ATP8A2: variants seen among roughly 807,000 people sequenced by gnomAD.
ATP8A2 encodes ATPase phospholipid transporting 8A2.
A neutral mutation model predicts 165.6 loss-of-function variants in ATP8A2; 100 were observed. The observed-to-expected ratio is 0.60, with a 90% CI of 0.51 to 0.71. The LOEUF (loss-of-function observed/expected upper bound fraction) is 0.71. ATP8A2 is among the 30% of genes least tolerant of loss of function. ATP8A2 has a pLI of 0.00. For missense variants in ATP8A2, 1,227 were observed against 1,479.5 expected (o/e 0.83, Z 2.80); for synonymous variants, 543 against 548.8 (o/e 0.99, Z 0.15).
intron 35 of ATP8A2, among the ~76,000 whole-genome samples, chr13:25,991,477 T>C (rs1391101381): frequency 6.6e-6 from 1 of 152,186 alleles, no homozygotes; most frequent in Non-Finnish European, 1.5e-5. Context: ...CATCCCGCCA[T>C]TGTGCTTTTA....
chr13:25,597,813 T>C (rs1275282626), intron 24 of ATP8A2, among the ~76,000 whole-genome samples: 4 of 152,238 alleles, frequency 2.6e-5, no homozygotes, highest in Non-Finnish European at 5.9e-5. Context: ...TTCATAACTA[T>C]AGAAAAGCAG....
intron 30 of ATP8A2, among the ~76,000 whole-genome samples, chr13:25,847,821 G>A (rs1407589693): frequency 6.6e-6 from 1 of 152,114 alleles, no homozygotes; most frequent in Non-Finnish European, 1.5e-5. Flanking sequence ...CTGCCTGCAT[G>A]CCTTTGACAT....
intron 25 of ATP8A2, among the ~76,000 whole-genome samples, chr13:25,764,471 T>G (rs1368199969): frequency 6.6e-6 from 1 of 152,200 alleles, no homozygotes; most frequent in Non-Finnish European, 1.5e-5. Context: ...CTAGAAAACA[T>G]TTTTACTAGA....
At chr13:25,410,044 GC>G (rs2033921956) in intron 1 of ATP8A2, among the ~76,000 whole-genome samples, 2 of 150,300 alleles carry the variant, frequency 1.3e-5, no homozygotes, top group African/African-American at 4.9e-5. Context: ...AATGGGTTCA[GC>G]CATTAGGAGA....
At chr13:26,008,855 C>G (rs1415257074) in intron 35 of ATP8A2, among the ~76,000 whole-genome samples, 2 of 152,136 alleles carry the variant, frequency 1.3e-5, no homozygotes, top group Middle Eastern at 3.4e-3. Context: ...TAACTTTTGA[C>G]CTTGTCAAAT....
chr13:25,480,550 A>T (rs1468863093), intron 2 of ATP8A2, among the ~76,000 whole-genome samples: 19 of 142,672 alleles, frequency 1.3e-4, no homozygotes, highest in Admixed American at 1.3e-3. Flanking sequence ...CCCACATCTC[A>T]GAAGATGGGC....
rs1350512419 is a variant in ATP8A2, at chr13:25,528,820, GCACACATATGCAACA to G, written c.222-1178_222-1164del. ...ATGCACACATATGCAACATGTGTAT[GCACACATATGCAACA>G]TGTGTATGCACACATATGCAACATG... On this transcript the variant is annotated intron_variant, in intron 2 of 36. Transcript: ENST00000381655. 1.6e-3 allele frequency among the ~76,000 whole-genome samples: 124 copies of G among 75,338 alleles called. 2 individuals are homozygous for G. Among genetic ancestry groups the G allele is most frequent in the African/African-American group, 5.0e-3 (117 of 23,516 alleles). 49.4% of individuals were successfully genotyped at this position (75,338 alleles called of 152,430 possible). A position where few individuals can be genotyped will look rare whatever the true frequency, so the allele number is the denominator to read the frequency against.
rs749946314 is a variant in ATP8A2, at chr13:25,570,888, G to A, written c.1579+16G>A. 1.8e-5 allele frequency: 28 copies of A among 1,585,030 alleles called. 1 individual carries two copies. The South Asian group carries it at 2.5e-4, about 14-fold the overall frequency. On this transcript the variant is annotated intron_variant, in intron 17 of 36. Coordinates refer to ENST00000381655, the MANE Select transcript of ATP8A2 (RefSeq NM_016529.6). The stretch of plus-strand genomic sequence containing the variant: ...TCTTCCCCAGGTGAGGGCTCTGGCC[G>A]GATGCGCCCTGCTGGCCCCTTCTCA...
intron 33 of ATP8A2, among the ~76,000 whole-genome samples, chr13:25,920,595 C>T (rs2139028783): frequency 6.6e-6 from 1 of 152,326 alleles, no homozygotes; most frequent in East Asian, 1.9e-4. Flanking sequence ...TGCCAAGTCT[C>T]CTTGCAGGCT....
intron 1 of ATP8A2, among the ~76,000 whole-genome samples, chr13:25,441,115 C>T (rs1292302956): frequency 6.6e-6 from 1 of 152,152 alleles, no homozygotes; most frequent in African/African-American, 2.4e-5. Flanking sequence ...TTCTCTCCCC[C>T]AGTTTGTTTT....
Position 25,512,963 on chromosome 13 carries a change from A to AC in ATP8A2, c.222-17029dup, listed in dbSNP as rs1287358454. ...GGGCGGCTGGCCGGGTGGGGGGCTGACCCCCCCACCTCCCTCCCGGACGGG... is the reference window on the plus strand; with the variant it reads ...GGGCGGCTGGCCGGGTGGGGGGCTGACCCCCCCCACCTCCCTCCCGGACGGG... On this transcript the variant is annotated intron_variant, in intron 2 of 36. Coordinates refer to ENST00000381655, the MANE Select transcript of ATP8A2 (RefSeq NM_016529.6). 2.0e-3 allele frequency among the ~76,000 whole-genome samples: 200 copies of AC among 98,286 alleles called. 1 individual carries two copies. The highest frequency in any genetic ancestry group is 6.7e-3 in the Middle Eastern group (1 of 150). 64.5% of individuals were successfully genotyped at this position (98,286 alleles called of 152,430 possible). A position where few individuals can be genotyped will look rare whatever the true frequency, so the allele number is the denominator to read the frequency against.
intron 1 of ATP8A2, among the ~76,000 whole-genome samples, chr13:25,466,738 C>G (rs1428234604): frequency 6.6e-6 from 1 of 152,142 alleles, no homozygotes; most frequent in South Asian, 2.1e-4. Flanking sequence ...TACTAATGCA[C>G]AGGGGAACTG....
At chr13:25,869,042 C>T (rs967609187) in intron 33 of ATP8A2, among the ~76,000 whole-genome samples, 5 of 134,048 alleles carry the variant, frequency 3.7e-5, no homozygotes, top group African/African-American at 1.2e-4. Context: ...GCACTCCAGC[C>T]TGGGCGACAC....
intron 2 of ATP8A2, among the ~76,000 whole-genome samples, chr13:25,492,931 C>T (rs1183398865): frequency 1.3e-5 from 2 of 152,120 alleles, no homozygotes; most frequent in East Asian, 1.9e-4. Flanking sequence ...AGTGCCTGCA[C>T]GAGGAGCGAG....
intron 27 of ATP8A2, among the ~76,000 whole-genome samples, chr13:25,807,796 C>T (rs865942457): frequency 2.3e-4 from 35 of 152,092 alleles, no homozygotes; most frequent in African/African-American, 7.5e-4. Flanking sequence ...CCTGTGCACT[C>T]GAGAAGCCAG....
intron 24 of ATP8A2, among the ~76,000 whole-genome samples, chr13:25,596,142 A>G (rs753046393): frequency 2.6e-5 from 4 of 152,112 alleles, no homozygotes; most frequent in Non-Finnish European, 5.9e-5. Context: ...TTCATTCTTT[A>G]AGCTTCCCAG....
chr13:25,532,400 A>T (rs2038142981), intron 5 of ATP8A2, 83 bp downstream of exon 5: 1 of 891,962 alleles, frequency 1.1e-6, no homozygotes, highest in African/African-American at 1.7e-5. Flanking sequence ...ATAAGTAGTG[A>T]ATGGTATTGA....
chr13:25,577,186 G>A, intron 20 of ATP8A2, 48 bp downstream of exon 20: 2 of 1,461,030 alleles, frequency 1.4e-6, no homozygotes, highest in Non-Finnish European at 1.9e-6. Context: ...TGGCAGCTTT[G>A]TTAATCTGCC....
intron 35 of ATP8A2, among the ~76,000 whole-genome samples, chr13:25,993,522 T>C (rs182999041): frequency 6.6e-6 from 1 of 152,350 alleles, no homozygotes; most frequent in African/African-American, 2.4e-5. Context: ...GCTGAGTTAA[T>C]TTTTGTGTAA....
Sources: allele counts gnomAD v4.1 joint callset (sites outside exome capture counted in the v4.1 genomes callset), GRCh38; gene constraint gnomAD v4.1.1; transcripts MANE v1.5; gene names NCBI Gene and HGNC (gene_info 2026-07-23, HGNC 2026-07-21).